Variants in TAF1B observed in about 807,000 individuals in gnomAD.
TAF1B encodes the protein TATA-box binding protein associated factor, RNA polymerase I subunit B.
Under a neutral mutation model 83.9 loss-of-function variants are expected in TAF1B, and 61 were observed. The observed-to-expected ratio is 0.73, with a 90% CI of 0.59 to 0.90. The LOEUF (loss-of-function observed/expected upper bound fraction) is 0.90, where lower values mean the gene tolerates loss of function less well. Among genes scored for constraint, TAF1B ranks in the 40% least tolerant of loss-of-function variants. TAF1B has a pLI of 0.00. For synonymous variants in TAF1B, 221 were observed against 224.6 expected (o/e 0.98, Z 0.14); for missense variants, 625 against 677.0 (o/e 0.92, Z 0.85).
chr2:9,885,644 G>T (rs35466574), intron 8 of TAF1B, among the ~76,000 whole-genome samples: 46,854 of 151,880 alleles, frequency 0.31, 7,588 homozygotes, highest in Admixed American at 0.38. Context: ...TTCCTAGAGC[G>T]ACTAGTGGAA....
chr2:9,846,465 C>T (rs1367683799), intron 2 of TAF1B, among the ~76,000 whole-genome samples: 1 of 152,138 alleles, frequency 6.6e-6, no homozygotes, highest in Non-Finnish European at 1.5e-5. Context: ...GTTACCTTCA[C>T]CATACAGGCT....
At chr2:9,869,804 A>C (rs1008790975) in intron 6 of TAF1B, among the ~76,000 whole-genome samples, 11 of 152,092 alleles carry the variant, frequency 7.2e-5, no homozygotes, top group Admixed American at 1.3e-4. Flanking sequence ...ACCGGGAGGC[A>C]GAGGTTTCAG....
At chr2:9,872,761 A>T (rs1465616906) in intron 6 of TAF1B, among the ~76,000 whole-genome samples, 1 of 152,214 alleles carries the variant, frequency 6.6e-6, no homozygotes, top group African/African-American at 2.4e-5. Flanking sequence ...CACAACACAC[A>T]TTTATTTTAT....
At position 9,913,088 on chromosome 2, in the gene TAF1B, C is replaced by T; in HGVS notation, c.1181-71C>T. The T allele has an allele frequency of 3.8e-6, 5 of 1,311,308 alleles. No individual in the cohort carries two copies. In the South Asian group the frequency reaches 7.4e-5, roughly 19 times the overall value. The allele number at this position is 1,311,308 out of a possible 1,614,324, so 81.2% of individuals were successfully genotyped here. On this transcript the variant is annotated intron_variant, in intron 11 of 14. Coordinates refer to ENST00000263663, the MANE Select transcript of TAF1B (RefSeq NM_005680.3). ...GCCCAGTGCAGTCAATTAATGAAAACTCAGATGAACAATGTATATTATTAT... is the reference window on the plus strand; with the variant it reads ...GCCCAGTGCAGTCAATTAATGAAAATTCAGATGAACAATGTATATTATTAT...
chr2:9,856,004 G>A (rs1663553645), intron 5 of TAF1B, among the ~76,000 whole-genome samples: 1 of 152,186 alleles, frequency 6.6e-6, no homozygotes, highest in Non-Finnish European at 1.5e-5. Flanking sequence ...AAGAGATTCT[G>A]AATCTGTTTG....
chr2:9,851,718 A>C, intron 4 of TAF1B, 80 bp downstream of exon 4: 1 of 1,150,520 alleles, frequency 8.7e-7, no homozygotes, highest in Non-Finnish European at 1.3e-6. Flanking sequence ...AACTAAGGAG[A>C]AATCAGTAGT....
chr2:9,888,797 T>C (rs903012859), intron 8 of TAF1B, among the ~76,000 whole-genome samples: 4 of 92,858 alleles, frequency 4.3e-5, no homozygotes, highest in Non-Finnish European at 1.1e-4. Context: ...TTGGTTTTTT[T>C]TTTTTTTTTT....
chr2:9,880,221 C>G (rs1664457501), intron 7 of TAF1B, among the ~76,000 whole-genome samples: 1 of 151,952 alleles, frequency 6.6e-6, no homozygotes, highest in Non-Finnish European at 1.5e-5. Context: ...TCTAACCCAT[C>G]ATAGATTGAA....
Position 9,851,593 on chromosome 2 carries a change from A to G in TAF1B, c.258A>G (p.Gln86=), listed in dbSNP as rs1219704350. The change falls in exon 4 of 15, where the codon CAA becomes CAG. Residue 86 remains glutamine (Q), a synonymous_variant. Transcript: ENST00000263663. ...AAGGTTTCCAGTATATTCTTTATCA[A>G]CAAGCAGAAGCCTTAAAGAACCTTG... The part of the protein sequence containing the change: ...VCEGFQYILY[Q]QAEALKNLGV... 4.3e-6 allele frequency: 7 copies of G among 1,612,814 alleles called. No homozygotes were observed. Among genetic ancestry groups the G allele is most frequent in the East Asian group, 2.2e-5 (1 of 44,794 alleles).
Position 9,904,911 on chromosome 2 carries a change from T to G in TAF1B, c.860T>G (p.Phe287Cys). ...AAAAAAACAGTAGAAGTTGGAACATTTTTAGATTTGCCTCGTTTTCCAGAC... is the reference window on the plus strand; with the variant it reads ...AAAAAAACAGTAGAAGTTGGAACATGTTTAGATTTGCCTCGTTTTCCAGAC... Reference protein sequence around the residue: ...IYKKTVEVGTFLDLPRFPDIT... With the variant: ...IYKKTVEVGTCLDLPRFPDIT... Residue 287 changes from phenylalanine to cysteine, a missense_variant, in exon 9 of 15, where the codon TTT becomes TGT. Transcript: ENST00000263663. 4 of 1,611,318 alleles carry G rather than the reference T, an allele frequency of 2.5e-6. No individual in the cohort carries two copies. The highest frequency in any genetic ancestry group is 3.4e-6 in the Non-Finnish European group (4 of 1,177,494).
At chr2:9,861,969 A>G (rs1243055842) in intron 5 of TAF1B, among the ~76,000 whole-genome samples, 1 of 152,236 alleles carries the variant, frequency 6.6e-6, no homozygotes, top group Non-Finnish European at 1.5e-5. Flanking sequence ...CAAAGACCAA[A>G]GGTAGATAAA....
chr2:9,881,191 A>C (rs1040140047), intron 7 of TAF1B, among the ~76,000 whole-genome samples: 2 of 152,086 alleles, frequency 1.3e-5, no homozygotes, highest in Non-Finnish European at 2.9e-5. Context: ...AAAATTAGCC[A>C]GGCATGGTGG....
Position 9,875,926 on chromosome 2 carries a change from A to G in TAF1B, c.615A>G (p.Gly205=). 6.2e-7 allele frequency: 1 copy of G among 1,613,646 alleles called. No individual in the cohort carries two copies. Among genetic ancestry groups the G allele is most frequent in the Non-Finnish European group, 8.5e-7 (1 of 1,179,632 alleles). Residue 205 remains glycine (G), a synonymous_variant, in exon 7 of 15, where the codon GGA becomes GGG. Coordinates refer to ENST00000263663, the MANE Select transcript of TAF1B (RefSeq NM_005680.3). ...AATACTCACAACGAAAGGAGAAGGGAATCGTGAAGATGACCATGCCACAGA... is the reference window on the plus strand; with the variant it reads ...AATACTCACAACGAAAGGAGAAGGGGATCGTGAAGATGACCATGCCACAGA... The part of the protein sequence containing the change: ...GVEYSQRKEK[G]IVKMTMPQTL...
At chr2:9,909,760 A>G (rs1665466882) in intron 9 of TAF1B, among the ~76,000 whole-genome samples, 1 of 152,230 alleles carries the variant, frequency 6.6e-6, no homozygotes. Flanking sequence ...TGAAGCAGGT[A>G]CTATTCTTAT....
chr2:9,896,483 G>T (rs1665021659), intron 8 of TAF1B, among the ~76,000 whole-genome samples: 3 of 152,068 alleles, frequency 2.0e-5, no homozygotes, highest in Admixed American at 2.0e-4. Flanking sequence ...ATGACAAAAG[G>T]TGCAATTGTG....
Position 9,914,297 on chromosome 2 carries a change from G to A in TAF1B, c.1271+1048G>A, listed in dbSNP as rs963473825. 4.6e-5 allele frequency among the ~76,000 whole-genome samples: 7 copies of A among 152,076 alleles called. No individual in the cohort carries two copies. The highest frequency in any genetic ancestry group is 9.7e-5 in the African/African-American group (4 of 41,390). On this transcript the variant is annotated intron_variant, in intron 12 of 14. Coordinates refer to ENST00000263663, the MANE Select transcript of TAF1B (RefSeq NM_005680.3). The surrounding 1 kb of genome is among the most constrained non-coding windows in gnomAD (Gnocchi z 4.3). ...GGGTGGAGGTGAATTTATCCCAACA[G>A]CCCATGGATTCCCAGGAAACCAGGC...
intron 14 of TAF1B, among the ~76,000 whole-genome samples, chr2:9,929,033 C>T (rs183374260): frequency 6.6e-6 from 1 of 152,284 alleles, no homozygotes; most frequent in Admixed American, 6.5e-5. Context: ...AGATATGTTC[C>T]ATCAGTACCT....
At chr2:9,913,920 A>G (rs1245465846) in intron 12 of TAF1B, among the ~76,000 whole-genome samples, 1 of 152,226 alleles carries the variant, frequency 6.6e-6, no homozygotes, top group Non-Finnish European at 1.5e-5. Flanking sequence ...GAAAAAGGTA[A>G]CATCTCTGTA....
At position 9,910,911 on chromosome 2, in the gene TAF1B, G is replaced by C; in HGVS notation, c.1131G>C (p.Glu377Asp). 6.2e-7 allele frequency: 1 copy of C among 1,607,500 alleles called. No homozygotes were observed. Among genetic ancestry groups the C allele is most frequent in the South Asian group, 1.1e-5 (1 of 89,934 alleles). ...KLLFLLDDSF[E>D]WSLSNLAEKH... Reference sequence around the variant, plus strand: ...TCTTTCTATTGGATGACAGTTTCGAGTGGTAAGTGTACGTCAATTTTATGA... The same window carrying C: ...TCTTTCTATTGGATGACAGTTTCGACTGGTAAGTGTACGTCAATTTTATGA... Residue 377 changes from glutamate (E) to aspartate (D), a missense_variant and splice_region_variant, in exon 10 of 15, where the codon GAG (glutamate) becomes GAC (aspartate). Coordinates refer to ENST00000263663, the MANE Select transcript of TAF1B (RefSeq NM_005680.3).
Sources: allele counts gnomAD v4.1 joint callset (sites outside exome capture counted in the v4.1 genomes callset), GRCh38; gene constraint gnomAD v4.1.1; non-coding constraint Gnocchi (gnomAD v3.1); transcripts MANE v1.5; gene names NCBI Gene and HGNC (gene_info 2026-07-23, HGNC 2026-07-21).